The following VPS33A variants were observed in gnomAD, a reference collection of about 807,000 sequenced individuals.
VPS33A encodes the protein vacuolar protein sorting-associated protein 33A.
Under a neutral mutation model 71.8 loss-of-function variants are expected in VPS33A, and 32 were observed. The observed-to-expected ratio is 0.45, with a 90% CI of 0.34 to 0.60. The LOEUF is 0.60. Among genes scored for constraint, VPS33A ranks in the 20% least tolerant of loss-of-function variants. The pLI, the probability that VPS33A is intolerant of heterozygous loss-of-function variation, is 0.02. For synonymous variants in VPS33A, 311 were observed against 292.7 expected (o/e 1.06, Z -0.64); for missense variants, 625 against 748.5 (o/e 0.84, Z 1.92).
chr12:122,255,054 G>GAAA (rs35670853), intron 4 of VPS33A, among the ~76,000 whole-genome samples: 1 of 129,796 alleles, frequency 7.7e-6, no homozygotes. Flanking sequence ...CAGTTTCAAG[G>GAAA]AAAAAAAAAA....
At chr12:122,254,817 T>C (rs1430153285) in intron 4 of VPS33A, among the ~76,000 whole-genome samples, 1 of 151,888 alleles carries the variant, frequency 6.6e-6, no homozygotes, top group Non-Finnish European at 1.5e-5. Flanking sequence ...TTTGGGAGGC[T>C]GAGGCGGTGG....
chr12:122,252,506 G>A (rs1459806671), intron 4 of VPS33A, among the ~76,000 whole-genome samples: 5 of 151,844 alleles, frequency 3.3e-5, no homozygotes, highest in South Asian at 2.1e-4. Context: ...TCCTGACCTC[G>A]TGATCCGCCC....
At position 122,239,905 on chromosome 12, in the gene VPS33A, C is replaced by T; in HGVS notation, c.1137G>A (p.Glu379=). 6.2e-7 allele frequency: 1 copy of T among 1,613,386 alleles called. No individual in the cohort carries two copies. Among genetic ancestry groups the T allele is most frequent in the Non-Finnish European group, 8.5e-7 (1 of 1,179,712 alleles). ...DFFDKLTVEQ[E]FMSGIDTDKV... ...TATCAGTGTCTATTCCAGACATAAA[C>T]TCCTGTTCCACGGTTAATTTATCAA... Residue 379 remains glutamate (E), a synonymous_variant, in exon 9 of 13, where the codon GAG becomes GAA. Coordinates refer to ENST00000267199, the MANE Select transcript of VPS33A (RefSeq NM_022916.6).
In VPS33A at chr12:122,261,424, C is replaced by T; in HGVS notation, c.320G>A (p.Arg107Lys). ...TGGCACAAACAGAATATGAAAATCT[C>T]TCGTTGGGCCTCGTCTATCTTCACT... The part of the protein sequence containing the change: ...VLSEDRRGPT[R>K]DFHILFVPRR... The change falls in exon 4 of 13, where the codon AGA becomes AAA. Residue 107 changes from arginine (R) to lysine (K), a missense_variant. Arg to Lys is a conservative substitution (Grantham distance 26). Coordinates refer to ENST00000267199, the MANE Select transcript of VPS33A (RefSeq NM_022916.6). 2.5e-6 allele frequency: 4 copies of T among 1,613,922 alleles called. No homozygotes were observed. Among genetic ancestry groups the T allele is most frequent in the South Asian group, 2.2e-5 (2 of 91,034 alleles).
At chr12:122,249,753 T>A in intron 6 of VPS33A, 118 bp downstream of exon 6, 1 of 1,062,802 alleles carries the variant, frequency 9.4e-7, no homozygotes. Context: ...CTCTGAATCA[T>A]TAAAATCGGA....
At chr12:122,249,729 T>C (rs1053560165) in intron 6 of VPS33A, 142 bp downstream of exon 6, 19 of 770,640 alleles carry the variant, frequency 2.5e-5, no homozygotes, top group African/African-American at 7.3e-5. Context: ...CAAAAAGGTC[T>C]GTATTAATCT....
At position 122,266,383 on chromosome 12, in the gene VPS33A, C is replaced by G. The variant is rs1388238339; in HGVS notation, c.26G>C (p.Arg9Pro). MAAHLSYG[R>P]VNLNVLREAV... is the part of the protein sequence containing the mutation. ...CTCGCGCAACACGTTTAGGTTCACT[C>G]GGCCGTAGGACAGATGAGCCGCCAT... is the stretch of plus-strand genomic sequence containing the variant. Residue 9 changes from arginine to proline, a missense_variant, in exon 1 of 13, where the codon CGA becomes CCA. Transcript: ENST00000267199. 3 of 1,613,478 alleles carry G rather than the reference C, an allele frequency of 1.9e-6. No homozygotes were observed. Among genetic ancestry groups the G allele is most frequent in the African/African-American group, 2.7e-5 (2 of 74,930 alleles).
At position 122,232,420 on chromosome 12, in the gene VPS33A, C is replaced by G; in HGVS notation, c.1617G>C (p.Pro539=). ...LPTGLQKKRQ[P]GENRVTLIFF... is the part of the protein sequence containing the mutation. ...ATATCAGAGTCACTCGGTTTTCTCC[C>G]GGTTGACCTAAAATTTAAACATTTC... The change falls in exon 13 of 13, where the codon CCG becomes CCC. Residue 539 remains proline, a synonymous_variant. Transcript: ENST00000267199. 6.2e-7 allele frequency: 1 copy of G among 1,610,298 alleles called. No homozygotes were observed. Among genetic ancestry groups the G allele is most frequent in the Non-Finnish European group, 8.5e-7 (1 of 1,178,784 alleles).
intron 8 of VPS33A, 115 bp from the exon 9 acceptor site, chr12:122,240,060 G>T: frequency 1.3e-6 from 1 of 757,270 alleles, no homozygotes; most frequent in Non-Finnish European, 2.2e-6. Flanking sequence ...GGGCACGGTG[G>T]CTCACACCTG....
In VPS33A at chr12:122,232,931, G is replaced by C; in HGVS notation, c.1478C>G (p.Ala493Gly). Residue 493 changes from alanine to glycine, a missense_variant, in exon 12 of 13, where the codon GCC (alanine) becomes GGC (glycine). Transcript: ENST00000267199. The stretch of plus-strand genomic sequence containing the variant: ...CTGGGCCAGCCGCACACTGAGCGGG[G>C]CATACCCACTGTACACATACGATAT... Reference protein sequence around the residue: ...TDISYVYSGYAPLSVRLAQLL... With the variant: ...TDISYVYSGYGPLSVRLAQLL... 6.2e-7 allele frequency: 1 copy of C among 1,613,830 alleles called. No individual in the cohort carries two copies. Among genetic ancestry groups the C allele is most frequent in the Non-Finnish European group, 8.5e-7 (1 of 1,179,962 alleles).
At chr12:122,252,395 A>C (rs1954857276) in intron 4 of VPS33A, among the ~76,000 whole-genome samples, 1 of 151,962 alleles carries the variant, frequency 6.6e-6, no homozygotes. Context: ...CAGCCTCCCA[A>C]GTAGCTGGGA....
rs559725757 is a variant in VPS33A, at chr12:122,236,861, T to C, written c.1303-938A>G. Among the ~76,000 whole-genome samples the C allele has an allele frequency of 6.6e-5, 10 of 152,316 alleles. No individual in the cohort carries two copies. In the South Asian group the frequency reaches 2.1e-3, roughly 32 times the overall value. Reference sequence around the variant, plus strand: ...AACCTGGATCCAGCCAGTCTTGCTCTGAAGTCTGTGTATGGAAACATTCTG... The same window carrying C: ...AACCTGGATCCAGCCAGTCTTGCTCCGAAGTCTGTGTATGGAAACATTCTG... On this transcript the variant is annotated intron_variant, in intron 10 of 12. Transcript: ENST00000267199.
chr12:122,261,381 G>A lies in VPS33A; in HGVS notation c.363C>T (p.Cys121=), dbSNP rs141508284. 222 of 1,613,644 alleles carry A rather than the reference G, an allele frequency of 1.4e-4. No homozygotes were observed. Among genetic ancestry groups the A allele is most frequent in the Non-Finnish European group, 1.7e-4 (205 of 1,179,898 alleles). Residue 121 remains cysteine, a synonymous_variant, in exon 4 of 13, where the codon TGC becomes TGT. Coordinates refer to ENST00000267199, the MANE Select transcript of VPS33A (RefSeq NM_022916.6). The part of the protein sequence containing the change: ...ILFVPRRSLL[C]EQRLKDLGVL... The stretch of plus-strand genomic sequence containing the variant: ...CACCCAGATCCTTCAACCGCTGTTC[G>A]CACAACAGGCTACGGCGTGGCACAA...
At chr12:122,245,512 C>T (rs1480115037) in intron 6 of VPS33A, among the ~76,000 whole-genome samples, 6 of 150,412 alleles carry the variant, frequency 4.0e-5, no homozygotes, top group South Asian at 2.1e-4. Context: ...GGCACGATCT[C>T]GGCTCACTGC....
chr12:122,266,270 G>A (rs562483012), intron 1 of VPS33A, 37 bp downstream of exon 1: 1 of 1,602,344 alleles, frequency 6.2e-7, no homozygotes. Context: ...CCGGACCAGG[G>A]GAGGCGAGGG....
At chr12:122,250,938 G>T (rs896644995) in intron 5 of VPS33A, 45 bp downstream of exon 5, 1 of 1,415,802 alleles carries the variant, frequency 7.1e-7, no homozygotes, top group Non-Finnish European at 9.9e-7. Flanking sequence ...CCCTTTTGGG[G>T]TGTGAAGGGC....
At chr12:122,262,879 A>G (rs956653872) in intron 3 of VPS33A, among the ~76,000 whole-genome samples, 5 of 152,022 alleles carry the variant, frequency 3.3e-5, no homozygotes, top group South Asian at 2.1e-4. Flanking sequence ...TATGGGGTCC[A>G]TGAGATGTTT....
At chr12:122,239,747 CTCAAAAAAAAAA>C in intron 9 of VPS33A, 119 bp downstream of exon 9, 1 of 324,186 alleles carries the variant, frequency 3.1e-6, no homozygotes, top group Non-Finnish European at 4.9e-6. Context: ...GAGACTCCGT[CTCAAAAAAAAAA>C]AAAAAAAAAA....
In VPS33A at chr12:122,250,879, A is replaced by T. The variant is rs533457420; in HGVS notation, c.600+104T>A. 19 of 824,262 alleles carry T rather than the reference A, an allele frequency of 2.3e-5. No homozygotes were observed. In the East Asian group the frequency reaches 4.2e-4, roughly 18 times the overall value. The allele number at this position is 824,262 out of a possible 1,614,324, so 51.1% of individuals were successfully genotyped here. A position where few individuals can be genotyped will look rare whatever the true frequency, so the allele number is the denominator to read the frequency against. On this transcript the variant is annotated intron_variant, in intron 5 of 12. Coordinates refer to ENST00000267199, the MANE Select transcript of VPS33A (RefSeq NM_022916.6). ...AAATTCATGAGTACAGTATTCATAA[A>T]TAATTAAGATCAACTGAATTTGTTT... is the stretch of plus-strand genomic sequence containing the variant.
Sources: allele counts gnomAD v4.1 joint callset (sites outside exome capture counted in the v4.1 genomes callset), GRCh38; gene constraint gnomAD v4.1.1; transcripts MANE v1.5; gene names NCBI Gene and HGNC (gene_info 2026-07-23, HGNC 2026-07-21).